The following TASOR variants were observed in gnomAD, a reference collection of about 807,000 sequenced individuals.
TASOR encodes protein TASOR.
TASOR carries 53 observed loss-of-function variants against 178.6 expected under a neutral mutation model. The observed-to-expected ratio is 0.30, with a 90% CI of 0.24 to 0.37. The LOEUF (loss-of-function observed/expected upper bound fraction) is 0.37. Ranked by LOEUF, TASOR falls within the 10% of genes least tolerant of loss-of-function variation. The probability of loss-of-function intolerance (pLI) is 1.00; values close to 1 mark genes in which losing one functional copy is unlikely to be tolerated. For missense variants in TASOR, 1,815 were observed against 1,971.4 expected (o/e 0.92, Z 1.50); for synonymous variants, 713 against 696.2 (o/e 1.02, Z -0.38).
chr3:56,633,143 T>C lies in TASOR; in HGVS notation c.3648A>G (p.Val1216=). 6.2e-7 allele frequency: 1 copy of C among 1,614,070 alleles called. No homozygotes were observed. Among genetic ancestry groups the C allele is most frequent in the Non-Finnish European group, 8.5e-7 (1 of 1,179,966 alleles). Residue 1216 remains valine (V), a synonymous_variant, in exon 18 of 24, where the codon GTA becomes GTG. Transcript: ENST00000683822. ...SNFISQLEPE[V]FNSLVKIMKD... ...TCATGATTTTAACCAAACTATTAAA[T>C]ACTTCAGGTTCTAACTGGCTTATAA...
intron 1 of TASOR, among the ~76,000 whole-genome samples, chr3:56,682,040 G>C (rs1188743093): frequency 6.6e-6 from 1 of 152,068 alleles, no homozygotes; most frequent in East Asian, 1.9e-4. Flanking sequence ...ACAATACTAA[G>C]TTCGAATTTA....
At chr3:56,679,055 A>G (rs2031572887) in intron 1 of TASOR, among the ~76,000 whole-genome samples, 1 of 152,276 alleles carries the variant, frequency 6.6e-6, no homozygotes, top group East Asian at 1.9e-4. Flanking sequence ...ACGAAGTACA[A>G]ATAAACAATT....
chr3:56,650,015 G>T (rs1478843933), intron 11 of TASOR, among the ~76,000 whole-genome samples: 1 of 152,226 alleles, frequency 6.6e-6, no homozygotes, highest in Admixed American at 6.5e-5. Context: ...TTGAGCTACT[G>T]TTTCCTTAAA....
chr3:56,674,922 C>T (rs1286241652), intron 1 of TASOR, among the ~76,000 whole-genome samples: 2 of 152,050 alleles, frequency 1.3e-5, no homozygotes, highest in Non-Finnish European at 2.9e-5. Flanking sequence ...AGGTACACAC[C>T]ATTCTCCTGC....
At chr3:56,679,008 CAA>C (rs5849163) in intron 1 of TASOR, among the ~76,000 whole-genome samples, 26,339 of 116,792 alleles carry the variant, frequency 0.23, 2,894 homozygotes, top group South Asian at 0.44. Flanking sequence ...GCTCTGACTC[CAA>C]AAAAAAAAAA....
chr3:56,674,224 A>AAAAAAAG (rs1559854358), intron 1 of TASOR, among the ~76,000 whole-genome samples: 1 of 138,758 alleles, frequency 7.2e-6, no homozygotes, highest in Non-Finnish European at 1.5e-5. Context: ...AAAAAAAAAA[A>AAAAAAAG]GCTTGGTGGC....
At chr3:56,638,365 C>T (rs1396297789) in intron 17 of TASOR, among the ~76,000 whole-genome samples, 1 of 151,642 alleles carries the variant, frequency 6.6e-6, no homozygotes, top group African/African-American at 2.4e-5. Flanking sequence ...GCTTCCATCT[C>T]AAAAAAACCA....
In TASOR at chr3:56,633,756, G is replaced by C; in HGVS notation, c.3035C>G (p.Ala1012Gly). The change falls in exon 18 of 24, where the codon GCA (alanine) becomes GGA (glycine). Residue 1012 changes from alanine (A) to glycine (G), a missense_variant. This residue lies in a region of TASOR where 655 missense variants were observed against 671.1 expected (regional missense o/e 0.98). Transcript: ENST00000683822. ...TGTCCTCTCTGTGGTTTCGCTCACT[G>C]CAGGCGGCTCTGCCTCTGCTGCTGG... ...CVPAAEAEPP[A>G]VSETTERTVL... 1 of 1,614,034 alleles carries C rather than the reference G, an allele frequency of 6.2e-7. No homozygotes were observed. Among genetic ancestry groups the C allele is most frequent in the East Asian group, 2.2e-5 (1 of 44,874 alleles).
At chr3:56,631,509 G>GT (rs2076910190) in intron 18 of TASOR, among the ~76,000 whole-genome samples, 1 of 151,654 alleles carries the variant, frequency 6.6e-6, no homozygotes, top group Non-Finnish European at 1.5e-5. Context: ...CTACCTACTG[G>GT]TAACAAACTT....
chr3:56,628,391 C>T (rs965981970), intron 19 of TASOR, 101 bp downstream of exon 19: 2 of 1,136,728 alleles, frequency 1.8e-6, no homozygotes, highest in Admixed American at 2.4e-5. Context: ...AGTTTAATCT[C>T]CTTTAAAGCT....
At chr3:56,631,603 A>ATTT (rs2076916423) in intron 18 of TASOR, among the ~76,000 whole-genome samples, 1 of 99,374 alleles carries the variant, frequency 1.0e-5, no homozygotes, top group African/African-American at 4.2e-5. Context: ...TTTTTTTTTG[A>ATTT]GATGGAGTCT....
intron 21 of TASOR, 125 bp from the exon 22 acceptor site, chr3:56,625,131 C>T: frequency 1.2e-6 from 1 of 810,290 alleles, no homozygotes; most frequent in Non-Finnish European, 1.9e-6. Context: ...TGCTTTAGCT[C>T]TCTGCCTGAT....
In TASOR at chr3:56,633,559, C is replaced by T. The variant is rs2076958799; in HGVS notation, c.3232G>A (p.Val1078Ile). 6.2e-7 allele frequency: 1 copy of T among 1,614,044 alleles called. No homozygotes were observed. Among genetic ancestry groups the T allele is most frequent in the South Asian group, 1.1e-5 (1 of 91,086 alleles). ...KTSKAGVQEF[V>I]DGLHEKLNTI... ...TTTAGCTTCTCATGCAAACCATCTA[C>T]AAACTCCTGCACACCAGCTTTGGAA... Residue 1078 changes from valine (V) to isoleucine (I), a missense_variant, in exon 18 of 24, where the codon GTA becomes ATA. By Grantham distance (29) the Val-to-Ile change is conservative. Around this residue, in one of 5 missense-constraint regions of TASOR, gnomAD observed 655 missense variants for 671.1 expected, o/e 0.98. Coordinates refer to ENST00000683822, the MANE Select transcript of TASOR (RefSeq NM_001365635.2).
intron 14 of TASOR, among the ~76,000 whole-genome samples, chr3:56,646,091 T>C (rs944798030): frequency 6.6e-6 from 1 of 152,038 alleles, no homozygotes; most frequent in Non-Finnish European, 1.5e-5. Flanking sequence ...GAGCTTGCAG[T>C]GAGCCGAGAT....
In TASOR at chr3:56,638,997, A is replaced by G. The variant is rs141133014; in HGVS notation, c.2765-232T>C. ...GAGAAACGGTTAGGATAACCTTCTT[A>G]TATCAACTACTTCTTTTGTTTCTCC... On this transcript the variant is annotated intron_variant, in intron 16 of 23. Transcript: ENST00000683822. Among the ~76,000 whole-genome samples, 22 of 152,334 alleles carry G rather than the reference A, an allele frequency of 1.4e-4. No homozygotes were observed. The East Asian group carries it at 2.5e-3, about 17-fold the overall frequency.
At chr3:56,627,794 G>A in intron 19 of TASOR, 53 bp from the exon 20 acceptor site, 1 of 1,558,822 alleles carries the variant, frequency 6.4e-7, no homozygotes, top group South Asian at 1.2e-5. Context: ...TGAATTGACA[G>A]ACTCAAGTGT....
chr3:56,648,012 A>G, intron 13 of TASOR, among the ~76,000 whole-genome samples: 1 of 152,258 alleles, frequency 6.6e-6, no homozygotes, highest in East Asian at 1.9e-4. Context: ...CAACCTAGAC[A>G]ATATAGTGAG....
intron 11 of TASOR, among the ~76,000 whole-genome samples, chr3:56,653,382 G>A (rs781397528): frequency 6.7e-6 from 1 of 148,538 alleles, no homozygotes; most frequent in Admixed American, 6.8e-5. Context: ...GATATGAAAG[G>A]AAAAGATATA....
Position 56,630,933 on chromosome 3 carries a change from G to GTGGGGGT in TASOR, c.3747+2110_3747+2111insACCCCCA, listed in dbSNP as rs1407177035. 6.2e-4 allele frequency among the ~76,000 whole-genome samples: 78 copies of GTGGGGGT among 126,138 alleles called. 1 individual carries two copies. The highest frequency in any genetic ancestry group is 2.3e-3 in the African/African-American group (77 of 34,118). 82.8% of individuals were successfully genotyped at this position (126,138 alleles called of 152,430 possible). A position where few individuals can be genotyped will look rare whatever the true frequency, so the allele number is the denominator to read the frequency against. On this transcript the variant is annotated intron_variant, in intron 18 of 23. Coordinates refer to ENST00000683822, the MANE Select transcript of TASOR (RefSeq NM_001365635.2). ...GGAGCGGGGGGGTGGGGGGTGGGGGGTGCGGGGATGGAGGAAGTTGGAGTT... is the reference window on the plus strand; with the variant it reads ...GGAGCGGGGGGGTGGGGGGTGGGGGGTGGGGGTTGCGGGGATGGAGGAAGTTGGAGTT...
Sources: allele counts gnomAD v4.1 joint callset (sites outside exome capture counted in the v4.1 genomes callset), GRCh38; gene constraint gnomAD v4.1.1; regional missense constraint gnomAD v4.1.1; transcripts MANE v1.5; gene names NCBI Gene and HGNC (gene_info 2026-07-23, HGNC 2026-07-21).